The following DACH2 variants were observed in gnomAD, a reference collection of about 807,000 sequenced individuals.
DACH2 encodes dachshund family transcription factor 2.
Under a neutral mutation model 35.8 loss-of-function variants are expected in DACH2, and 17 were observed. That is an observed-to-expected ratio of 0.48 (90% CI 0.33 to 0.71). The LOEUF (loss-of-function observed/expected upper bound fraction) is 0.71. Ranked by LOEUF, DACH2 falls within the 30% of genes least tolerant of loss-of-function variation. The pLI is 0.02. For missense variants in DACH2, 469 were observed against 472.7 expected (o/e 0.99, Z 0.07); for synonymous variants, 195 against 177.3 (o/e 1.10, Z -0.79).
chrX:86,404,873 A>G (rs768052478), intron 2 of DACH2, among the ~76,000 whole-genome samples: 1 of 111,977 alleles, frequency 8.9e-6, no homozygotes, highest in East Asian at 2.8e-4. Flanking sequence ...TTGAAAATCT[A>G]TTTGGAGGAT....
At chrX:86,546,084 A>C (rs756446556) in intron 3 of DACH2, among the ~76,000 whole-genome samples, 1 of 111,678 alleles carries the variant, frequency 9.0e-6, no homozygotes, top group East Asian at 2.8e-4. Flanking sequence ...TTTAGATGGA[A>C]TTTAATAATA....
chrX:86,224,772 G>C (rs1302956457), intron 1 of DACH2, among the ~76,000 whole-genome samples: 1 of 111,291 alleles, frequency 9.0e-6, no homozygotes, highest in East Asian at 2.8e-4. Flanking sequence ...TTAAGAACAG[G>C]AAAATGCATG....
intron 3 of DACH2, among the ~76,000 whole-genome samples, chrX:86,646,844 T>C (rs1436066794): frequency 9.2e-6 from 1 of 109,035 alleles, no homozygotes; most frequent in African/African-American, 3.3e-5. Context: ...TAAATAAATA[T>C]ATATATAGGC....
chrX:86,399,283 A>T (rs1484612864), intron 2 of DACH2, among the ~76,000 whole-genome samples: 2 of 111,407 alleles, frequency 1.8e-5, no homozygotes, highest in African/African-American at 6.5e-5. Flanking sequence ...GTCTCTGCAC[A>T]TGAGATGAGT....
chrX:86,562,170 A>G (rs1009120126), intron 3 of DACH2, among the ~76,000 whole-genome samples: 2 of 110,950 alleles, frequency 1.8e-5, no homozygotes, highest in Non-Finnish European at 3.8e-5. Context: ...CCAGGTATTA[A>G]TAGTAACTAT....
chrX:86,500,246 G>A (rs746780156), intron 2 of DACH2, among the ~76,000 whole-genome samples: 1 of 111,410 alleles, frequency 9.0e-6, no homozygotes, highest in South Asian at 3.8e-4. Flanking sequence ...CCGATTAAAG[G>A]CATTTGAATT....
At chrX:86,790,835 C>A (rs1195734270) in intron 7 of DACH2, among the ~76,000 whole-genome samples, 2 of 111,524 alleles carry the variant, frequency 1.8e-5, no homozygotes, top group Non-Finnish European at 3.8e-5. Flanking sequence ...AGCCACCATG[C>A]CTGGCCACAT....
intron 2 of DACH2, among the ~76,000 whole-genome samples, chrX:86,389,744 G>A (rs1472899660): frequency 8.9e-6 from 1 of 111,852 alleles, no homozygotes. Flanking sequence ...AAAGATAAAC[G>A]ATAAACTACT....
chrX:86,502,418 A>T (rs2038264448), intron 2 of DACH2, among the ~76,000 whole-genome samples: 1 of 111,872 alleles, frequency 8.9e-6, no homozygotes, highest in South Asian at 3.7e-4. Context: ...AATATTTTAG[A>T]ACTTTAAATC....
At chrX:86,696,933 CA>C (rs991776680) in intron 5 of DACH2, among the ~76,000 whole-genome samples, 4 of 111,732 alleles carry the variant, frequency 3.6e-5, no homozygotes, top group Non-Finnish European at 7.5e-5. Context: ...GGCCTGTCCT[CA>C]AAGAAAACTG....
chrX:86,294,133 T>A (rs1210961921), intron 1 of DACH2, among the ~76,000 whole-genome samples: 1 of 111,464 alleles, frequency 9.0e-6, no homozygotes, highest in Non-Finnish European at 1.9e-5. Context: ...CTTTTTATTC[T>A]TTTTTCTCTA....
At chrX:86,707,194 A>G (rs1286674013) in intron 5 of DACH2, among the ~76,000 whole-genome samples, 1 of 111,374 alleles carries the variant, frequency 9.0e-6, no homozygotes, top group Non-Finnish European at 1.9e-5. Flanking sequence ...TAATATAGCA[A>G]TACTCAACAA....
chrX:86,644,781 C>A (rs964267067), intron 3 of DACH2, among the ~76,000 whole-genome samples: 6 of 110,996 alleles, frequency 5.4e-5, no homozygotes, highest in African/African-American at 1.6e-4. Context: ...ACCATCTGAT[C>A]TTTGACATAG....
At chrX:86,624,676 G>T (rs967252595) in intron 3 of DACH2, among the ~76,000 whole-genome samples, 2 of 111,834 alleles carry the variant, frequency 1.8e-5, no homozygotes, top group Non-Finnish European at 3.8e-5. Context: ...AGAAATCATT[G>T]AAATGAAAGG....
At chrX:86,323,897 T>C (rs756641251) in intron 1 of DACH2, among the ~76,000 whole-genome samples, 1 of 111,899 alleles carries the variant, frequency 8.9e-6, no homozygotes, top group Non-Finnish European at 1.9e-5. Context: ...AGCTGACAGA[T>C]GCTTGGTTTT....
At chrX:86,185,126 T>C (rs1405471121) in intron 1 of DACH2, among the ~76,000 whole-genome samples, 1 of 111,753 alleles carries the variant, frequency 8.9e-6, no homozygotes, top group Non-Finnish European at 1.9e-5. Context: ...AAGGACTTAG[T>C]GGAACAGGAA....
At chrX:86,290,505 T>G (rs867725688) in intron 1 of DACH2, among the ~76,000 whole-genome samples, 16 of 96,575 alleles carry the variant, frequency 1.7e-4, no homozygotes, top group Non-Finnish European at 2.0e-4. Flanking sequence ...CCCATGCCTA[T>G]GTCCTGAATG....
chrX:86,480,624 G>A (rs1192740947), intron 2 of DACH2, among the ~76,000 whole-genome samples: 11 of 112,220 alleles, frequency 9.8e-5, no homozygotes, highest in Admixed American at 9.5e-4. Flanking sequence ...AAAGTAAGAA[G>A]TACTGCCTCT....
intron 11 of DACH2, among the ~76,000 whole-genome samples, chrX:86,820,363 T>C (rs1029793130): frequency 8.9e-6 from 1 of 111,918 alleles, no homozygotes; most frequent in African/African-American, 3.2e-5. Flanking sequence ...CCTAAATAAT[T>C]TTTTATTCCT....
Sources: allele counts gnomAD v4.1 joint callset (sites outside exome capture counted in the v4.1 genomes callset), GRCh38; gene constraint gnomAD v4.1.1; transcripts MANE v1.5; gene names NCBI Gene and HGNC (gene_info 2026-07-23, HGNC 2026-07-21).